PIP5K1B: variants seen among roughly 807,000 people sequenced by gnomAD.
The protein encoded by PIP5K1B is phosphatidylinositol 4-phosphate 5-kinase type-1 beta.
In PIP5K1B, 42 loss-of-function variants were observed where a neutral mutation model predicts 67.0. That is an observed-to-expected ratio of 0.63 (90% confidence interval 0.49 to 0.81). PIP5K1B has a LOEUF of 0.81. Among genes scored for constraint, PIP5K1B ranks in the 30% least tolerant of loss-of-function variants. The pLI, the probability that PIP5K1B is intolerant of heterozygous loss-of-function variation, is 0.00. For synonymous variants in PIP5K1B, 214 were observed against 231.4 expected (o/e 0.92, Z 0.68); for missense variants, 459 against 646.3 (o/e 0.71, Z 3.14).
chr9:68,759,767 T>C (rs1830103717), intron 2 of PIP5K1B, among the ~76,000 whole-genome samples: 1 of 152,126 alleles, frequency 6.6e-6, no homozygotes, highest in South Asian at 2.1e-4. Flanking sequence ...ATGTGGAATC[T>C]CATTACTTTT....
At chr9:68,900,047 C>T (rs1209747437) in intron 8 of PIP5K1B, among the ~76,000 whole-genome samples, 1 of 152,202 alleles carries the variant, frequency 6.6e-6, no homozygotes, top group African/African-American at 2.4e-5. Context: ...GGTTAATTCA[C>T]TTAGAATAAT....
chr9:68,765,462 G>A (rs529990990), intron 2 of PIP5K1B, among the ~76,000 whole-genome samples: 4 of 152,086 alleles, frequency 2.6e-5, no homozygotes, highest in Admixed American at 6.5e-5. Flanking sequence ...GAAAATGGTC[G>A]TTCTCTTGTC....
chr9:68,734,045 A>G (rs551111167), intron 1 of PIP5K1B, among the ~76,000 whole-genome samples: 15 of 152,290 alleles, frequency 9.8e-5, no homozygotes, highest in African/African-American at 3.4e-4. Flanking sequence ...CTGGCTCTGC[A>G]ACTTCCATGC....
chr9:69,002,980 C>T (rs1351065823), intron 15 of PIP5K1B, among the ~76,000 whole-genome samples: 1 of 152,004 alleles, frequency 6.6e-6, no homozygotes, highest in Non-Finnish European at 1.5e-5. Context: ...GAAGCTCTGT[C>T]TCAAAAAATA....
intron 6 of PIP5K1B, among the ~76,000 whole-genome samples, chr9:68,882,944 G>T (rs953120075): frequency 1.3e-5 from 2 of 152,166 alleles, no homozygotes; most frequent in African/African-American, 4.8e-5. Context: ...GTATCCTAGG[G>T]TGGTATCAGC....
intron 2 of PIP5K1B, among the ~76,000 whole-genome samples, chr9:68,807,251 T>C (rs748996692): frequency 6.6e-6 from 1 of 152,218 alleles, no homozygotes; most frequent in Non-Finnish European, 1.5e-5. Context: ...TAAGTGGTCA[T>C]TTCATGACTG....
At chr9:69,000,729 C>A (rs1277223272) in intron 15 of PIP5K1B, among the ~76,000 whole-genome samples, 1 of 152,204 alleles carries the variant, frequency 6.6e-6, no homozygotes, top group East Asian at 1.9e-4. Context: ...TATAAAGACC[C>A]TGCCTCCAAA....
chr9:68,843,722 A>G (rs922622178), intron 4 of PIP5K1B, among the ~76,000 whole-genome samples: 8 of 152,192 alleles, frequency 5.3e-5, no homozygotes, highest in African/African-American at 1.7e-4. Context: ...CCTGTTGGGA[A>G]AACCTATTTC....
chr9:68,744,150 G>T (rs1829156508), intron 2 of PIP5K1B, among the ~76,000 whole-genome samples: 1 of 152,216 alleles, frequency 6.6e-6, no homozygotes, highest in South Asian at 2.1e-4. Flanking sequence ...GCATGGCCTG[G>T]CCAAGGATGG....
intron 2 of PIP5K1B, among the ~76,000 whole-genome samples, chr9:68,813,119 A>G (rs373357300): frequency 1.3e-5 from 2 of 152,342 alleles, no homozygotes; most frequent in South Asian, 2.1e-4. Flanking sequence ...CTCTATTCCT[A>G]CATAAGTGCA....
intron 2 of PIP5K1B, among the ~76,000 whole-genome samples, chr9:68,750,268 T>C (rs1489585988): frequency 6.6e-6 from 1 of 152,228 alleles, no homozygotes; most frequent in Non-Finnish European, 1.5e-5. Context: ...CTTCCTTCAT[T>C]GCCCTCCCCT....
intron 9 of PIP5K1B, among the ~76,000 whole-genome samples, chr9:68,918,003 T>A (rs1407655830): frequency 1.3e-5 from 2 of 152,204 alleles, no homozygotes; most frequent in African/African-American, 4.8e-5. Context: ...AAAATGTTTT[T>A]GTCCCCATTA....
At chr9:68,788,734 T>C in intron 2 of PIP5K1B, 1 of 269,428 alleles carries the variant, frequency 3.7e-6, no homozygotes. Context: ...GGCATCTGGC[T>C]GGTGACTATC....
At position 68,911,719 on chromosome 9, in the gene PIP5K1B, C is replaced by T. The variant is rs1825861779; in HGVS notation, c.772-5829C>T. 2.0e-5 allele frequency among the ~76,000 whole-genome samples: 3 copies of T among 151,924 alleles called. No homozygotes were observed. The South Asian group carries it at 6.2e-4, about 32-fold the overall frequency. ...CAGCCTGGGCAGCAAGGCAAAACCC[C>T]ATCTCCACAAAAAATTAGTCAGGTG... On this transcript the variant is annotated intron_variant, in intron 8 of 15. Transcript: ENST00000265382.
chr9:68,994,800 C>T (rs574564497), intron 15 of PIP5K1B, among the ~76,000 whole-genome samples: 49 of 152,210 alleles, frequency 3.2e-4, no homozygotes, highest in East Asian at 1.7e-3. Context: ...TCTCATTAAT[C>T]GTTTCCCTTG....
At chr9:68,867,565 C>G (rs1320739062) in intron 5 of PIP5K1B, among the ~76,000 whole-genome samples, 4 of 152,198 alleles carry the variant, frequency 2.6e-5, no homozygotes, top group Non-Finnish European at 5.9e-5. Flanking sequence ...CCAGTAATAT[C>G]TCCTAGTTGC....
At chr9:68,732,495 A>C (rs1254612148) in intron 1 of PIP5K1B, among the ~76,000 whole-genome samples, 1 of 152,210 alleles carries the variant, frequency 6.6e-6, no homozygotes, top group Non-Finnish European at 1.5e-5. Flanking sequence ...TTAGGGATCA[A>C]CCACAGCATG....
chr9:68,782,466 T>G (rs1245978998), intron 2 of PIP5K1B: 4 of 166,958 alleles, frequency 2.4e-5, no homozygotes, highest in African/African-American at 9.7e-5. Context: ...CTTAACTAGA[T>G]AGTTTGACAG....
intron 14 of PIP5K1B, 30 bp downstream of exon 14, chr9:68,940,820 C>T (rs780975792): frequency 8.1e-6 from 13 of 1,605,102 alleles, no homozygotes; most frequent in Admixed American, 6.7e-5. Flanking sequence ...AATAACCCAT[C>T]AGGCTGTTAC....
Sources: gnomAD v4.1 joint callset for allele counts (sites outside exome capture counted in the v4.1 genomes callset) on GRCh38, gnomAD v4.1.1 for gene constraint, MANE v1.5 for transcripts, NCBI Gene and HGNC (gene_info 2026-07-23, HGNC 2026-07-21) for gene names.